The following ABCG2 variants were observed in gnomAD, a reference collection of about 807,000 sequenced individuals.
ABCG2 encodes broad substrate specificity ATP-binding cassette transporter ABCG2.
In ABCG2, 80 loss-of-function variants were observed where a neutral mutation model predicts 73.5. That is an observed-to-expected ratio of 1.09 (90% confidence interval 0.91 to 1.31). The LOEUF (loss-of-function observed/expected upper bound fraction) is 1.31, where lower values mean the gene tolerates loss of function less well. Among genes scored for constraint, ABCG2 ranks in the 50% most tolerant of loss-of-function variants. The pLI is 0.00. For missense variants in ABCG2, 796 were observed against 786.2 expected, an observed-to-expected ratio of 1.01 and a Z score of -0.15; for synonymous variants, 269 against 282.4, an observed-to-expected ratio of 0.95 and a Z score of 0.48.
intron 1 of ABCG2, among the ~76,000 whole-genome samples, chr4:88,229,439 G>C (rs1730364376): frequency 6.6e-6 from 1 of 152,148 alleles, no homozygotes; most frequent in Non-Finnish European, 1.5e-5. Flanking sequence ...AGGAATTCGA[G>C]ACCAGCCTGG....
chr4:88,206,681 A>T (rs1043029549), intron 1 of ABCG2: 3 of 152,160 alleles, frequency 2.0e-5, no homozygotes, highest in Non-Finnish European at 4.4e-5. Context: ...AATCCAATGT[A>T]TTAATTTTAA....
chr4:88,185,283 G>T (rs940709943), intron 1 of ABCG2, among the ~76,000 whole-genome samples: 4 of 152,210 alleles, frequency 2.6e-5, no homozygotes, highest in African/African-American at 9.6e-5. Context: ...AGAATTGCTT[G>T]AACTCAGGAG....
chr4:88,119,568 G>A (rs148467777), intron 6 of ABCG2, among the ~76,000 whole-genome samples: 1 of 152,344 alleles, frequency 6.6e-6, no homozygotes, highest in East Asian at 1.9e-4. Flanking sequence ...GGTCTCAGAT[G>A]GAGATGAGGA....
upstream of ABCG2, among the ~76,000 whole-genome samples, chr4:88,162,122 G>A (rs1281774130): frequency 6.6e-6 from 1 of 152,072 alleles, no homozygotes; most frequent in Non-Finnish European, 1.5e-5. Flanking sequence ...TGAGGTGGAA[G>A]GATTGCTTGA....
intron 1 of ABCG2, among the ~76,000 whole-genome samples, chr4:88,201,069 CA>C: frequency 6.6e-6 from 1 of 150,936 alleles, no homozygotes; most frequent in South Asian, 2.1e-4. Flanking sequence ...AAATTAAAGA[CA>C]AATTAAGCAG....
intron 5 of ABCG2, 33 bp from the exon 6 acceptor site, chr4:88,121,825 A>G: frequency 6.2e-7 from 1 of 1,601,222 alleles, no homozygotes; most frequent in Non-Finnish European, 8.5e-7. Flanking sequence ...GTCAATGATA[A>G]CAACCAGTCA....
chr4:88,193,798 G>A (rs1182222336), intron 1 of ABCG2, among the ~76,000 whole-genome samples: 3 of 152,168 alleles, frequency 2.0e-5, no homozygotes, highest in African/African-American at 7.2e-5. Flanking sequence ...AGGCTGGAGT[G>A]CCATGGCATG....
At chr4:88,217,973 TAAAAA>T (rs34088003) in intron 1 of ABCG2, among the ~76,000 whole-genome samples, 3 of 139,740 alleles carry the variant, frequency 2.1e-5, no homozygotes, top group Admixed American at 7.1e-5. Flanking sequence ...TTCTAAAAAT[TAAAAA>T]AAAAAAAAAA....
intron 15 of ABCG2, 75 bp from the exon 16 acceptor site, chr4:88,092,456 C>G (rs1721700920): frequency 2.1e-6 from 3 of 1,459,452 alleles, no homozygotes; most frequent in Non-Finnish European, 2.8e-6. Flanking sequence ...TCCACTGTTC[C>G]TTAAAGGAGC....
chr4:88,193,936 G>T (rs1728812574), intron 1 of ABCG2, among the ~76,000 whole-genome samples: 1 of 151,940 alleles, frequency 6.6e-6, no homozygotes, highest in Non-Finnish European at 1.5e-5. Context: ...ATAGAGATGG[G>T]GTTTCACCAT....
At chr4:88,200,106 C>T (rs1001038362) in intron 1 of ABCG2, among the ~76,000 whole-genome samples, 39 of 152,108 alleles carry the variant, frequency 2.6e-4, no homozygotes, top group African/African-American at 9.4e-4. Flanking sequence ...GGGCAGATCA[C>T]TTGAGCTCAG....
intron 1 of ABCG2, among the ~76,000 whole-genome samples, chr4:88,142,890 G>A (rs1192716220): frequency 6.6e-6 from 1 of 152,138 alleles, no homozygotes; most frequent in Non-Finnish European, 1.5e-5. Flanking sequence ...AGAGATTGCA[G>A]TGAGCCGAGA....
rs1367456063 is a variant in ABCG2 at position 88,107,214 on chromosome 4, A to G, written c.1247T>C (p.Leu416Pro). 2 of 1,613,438 alleles carry G rather than the reference A, an allele frequency of 1.2e-6. No individual in the cohort carries two copies. Among genetic ancestry groups the G allele is most frequent in the East Asian group, 4.5e-5 (2 of 44,852 alleles). ...CTGGATTCCAGTAGAATCATTTTTT[A>G]GCCCAAAGTAAATGGCACCTATAAC... ...GLVIGAIYFGLKNDSTGIQNR... is the reference protein window; with the variant it reads ...GLVIGAIYFGPKNDSTGIQNR... Residue 416 changes from leucine (L) to proline (P), a missense_variant, in exon 10 of 16, where the codon CTA becomes CCA. Leu to Pro is a moderately conservative substitution (Grantham distance 98, BLOSUM62 -3). Coordinates refer to ENST00000237612, the MANE Select transcript of ABCG2 (RefSeq NM_004827.3).
In ABCG2 at chr4:88,145,758, G is replaced by A. The variant is rs545374028; in HGVS notation, c.-19-5744C>T. Among the ~76,000 whole-genome samples, 7 of 152,216 alleles carry A rather than the reference G, an allele frequency of 4.6e-5. No individual in the cohort carries two copies. The South Asian group carries it at 1.4e-3, about 32-fold the overall frequency. ...AGTTCAAGACCACCCTGGCCAACAT[G>A]GTGAAACCCCGTCTCTACTAAAAAT... is the stretch of plus-strand genomic sequence containing the variant. On this transcript the variant is annotated intron_variant, in intron 1 of 15. Transcript: ENST00000237612.
In ABCG2 at chr4:88,144,155, C is replaced by T. The variant is rs113094792; in HGVS notation, c.-19-4141G>A. Reference sequence around the variant, plus strand: ...TTGCCGTTTCCTTATTTGCAGATTACCTGCTAAGGCTAATCCATTTCTTTT... The same window carrying T: ...TTGCCGTTTCCTTATTTGCAGATTATCTGCTAAGGCTAATCCATTTCTTTT... On this transcript the variant is annotated intron_variant, in intron 1 of 15. Transcript: ENST00000237612. Among the ~76,000 whole-genome samples the T allele has an allele frequency of 7.2e-3, 1,094 of 152,296 alleles. 6 individuals carry two copies. The highest frequency in any genetic ancestry group is 0.022 in the African/African-American group (925 of 41,562).
intron 2 of ABCG2, among the ~76,000 whole-genome samples, chr4:88,133,769 G>A (rs527735083): frequency 5.9e-5 from 9 of 152,266 alleles, no homozygotes; most frequent in South Asian, 2.1e-4. Flanking sequence ...AAGCCGAGGC[G>A]GGTGGATCAC....
chr4:88,096,601 T>A (rs1428320074), intron 13 of ABCG2, among the ~76,000 whole-genome samples: 1 of 152,172 alleles, frequency 6.6e-6, no homozygotes, highest in Non-Finnish European at 1.5e-5. Context: ...TATTTTTATT[T>A]AAAGGCATCT....
chr4:88,165,464 C>T (rs1727478428), intron 1 of ABCG2, among the ~76,000 whole-genome samples: 1 of 152,200 alleles, frequency 6.6e-6, no homozygotes. Flanking sequence ...AGCCCTGTGA[C>T]CCTGCTTCTG....
intron 14 of ABCG2, 59 bp downstream of exon 14, chr4:88,095,461 T>C (rs770937180): frequency 1.9e-5 from 28 of 1,473,834 alleles, no homozygotes; most frequent in Non-Finnish European, 2.6e-5. Flanking sequence ...TGAGGACACT[T>C]GATTTCCATT....
Sources: allele counts gnomAD v4.1 joint callset (sites outside exome capture counted in the v4.1 genomes callset), GRCh38; gene constraint gnomAD v4.1.1; transcripts MANE v1.5; gene names NCBI Gene and HGNC (gene_info 2026-07-23, HGNC 2026-07-21).